CHM: variants seen among roughly 807,000 people sequenced by gnomAD.
CHM encodes CHM Rab escort protein, also known as rab proteins geranylgeranyltransferase component A 1.
Under a neutral mutation model 49.0 loss-of-function variants are expected in CHM, and 10 were observed. That is an observed-to-expected ratio of 0.20 (90% CI 0.13 to 0.35). The LOEUF (loss-of-function observed/expected upper bound fraction) is 0.35. Among genes scored for constraint, CHM ranks in the 10% least tolerant of loss-of-function variants. The probability of loss-of-function intolerance (pLI) is 1.00; values close to 1 mark genes in which losing one functional copy is unlikely to be tolerated. For missense variants in CHM, 455 were observed against 478.4 expected (o/e 0.95, Z 0.46); for synonymous variants, 184 against 167.5 (o/e 1.10, Z -0.76).
At chrX:85,892,408 G>T (rs979927260) in intron 12 of CHM, among the ~76,000 whole-genome samples, 1 of 110,272 alleles carries the variant, frequency 9.1e-6, no homozygotes, top group African/African-American at 3.3e-5. Context: ...CATGGGGGCC[G>T]GTCTTTCTTG....
rs965553512 is a variant in CHM, at chrX:85,971,294, T to TA, written c.315-7243dup. On this transcript the variant is annotated intron_variant, in intron 4 of 14. Transcript: ENST00000357749. ...TGGTGGGTTCTTGGTCTCACTGACTTAAAGAATGAAGCCGCGGACCCGCGC... is the reference window on the plus strand; with the variant it reads ...TGGTGGGTTCTTGGTCTCACTGACTTAAAAGAATGAAGCCGCGGACCCGCGC... The TA allele has an allele frequency of 1.6e-5, 11 of 702,714 alleles. No individual in the cohort carries two copies. In the African/African-American group the frequency reaches 2.6e-4, roughly 17 times the overall value. 57.9% of individuals were successfully genotyped at this position (702,714 alleles called of 1,213,427 possible).
chrX:85,958,173 C>T (rs761292315), intron 6 of CHM, among the ~76,000 whole-genome samples, 198 bp from the exon 7 acceptor site: 32 of 111,967 alleles, frequency 2.9e-4, no homozygotes, highest in African/African-American at 9.7e-4. Context: ...CTTAATTCTG[C>T]CAAGTTACTC....
intron 1 of CHM, among the ~76,000 whole-genome samples, chrX:86,043,303 A>C (rs904722864): frequency 1.8e-5 from 2 of 111,909 alleles, no homozygotes; most frequent in Admixed American, 9.5e-5. Context: ...GTATGGTGCT[A>C]AACACTATCT....
intron 2 of CHM, among the ~76,000 whole-genome samples, chrX:86,021,157 T>TATATATATAC (rs1174140484): frequency 6.3e-4 from 32 of 51,113 alleles, no homozygotes; most frequent in East Asian, 5.8e-3. Context: ...TATATATATA[T>TATATATATAC]ACACGTATAT....
intron 8 of CHM, among the ~76,000 whole-genome samples, chrX:85,924,504 C>T (rs377227039): frequency 8.9e-6 from 1 of 111,812 alleles, no homozygotes; most frequent in Admixed American, 9.5e-5. Flanking sequence ...CCAGAAAGCA[C>T]TCTTACTCCA....
At chrX:85,876,777 C>T (rs1253007976) in intron 13 of CHM, among the ~76,000 whole-genome samples, 1 of 111,586 alleles carries the variant, frequency 9.0e-6, no homozygotes, top group Non-Finnish European at 1.9e-5. Context: ...CTAAACAATA[C>T]ATCATTTCAA....
chrX:85,978,869 T>C lies in CHM; in HGVS notation c.212A>G (p.Asp71Gly). 1 of 1,206,831 alleles carries C rather than the reference T, an allele frequency of 8.3e-7. No individual in the cohort carries two copies. Among genetic ancestry groups the C allele is most frequent in the Non-Finnish European group, 1.1e-6 (1 of 891,904 alleles). ...GATCTGGTCTTGCCACACTGGACTG[T>C]CACTTACAATGTCACTGTTTTCCTA... ...EYQENSDIVS[D>G]SPVWQDQILE... is the part of the protein sequence containing the mutation. The change falls in exon 4 of 15, where the codon GAC becomes GGC. Residue 71 changes from aspartate to glycine, a missense_variant. Physicochemically the swap from Asp to Gly is moderately conservative, Grantham distance 94 (BLOSUM62 -1). Transcript: ENST00000357749.
chrX:86,043,517 C>T (rs753941790), intron 1 of CHM, among the ~76,000 whole-genome samples: 1 of 110,042 alleles, frequency 9.1e-6, no homozygotes, highest in Non-Finnish European at 1.9e-5. Context: ...GCAATCCTCC[C>T]ACCTCAGCCT....
chrX:85,877,276 C>A (rs1924475263), intron 13 of CHM, among the ~76,000 whole-genome samples: 1 of 111,466 alleles, frequency 9.0e-6, no homozygotes, highest in African/African-American at 3.3e-5. Context: ...TCCCAAAAAA[C>A]ATAATTGATA....
At chrX:85,965,676 C>T (rs1262797965) in intron 4 of CHM, among the ~76,000 whole-genome samples, 2 of 110,435 alleles carry the variant, frequency 1.8e-5, no homozygotes, top group Non-Finnish European at 3.8e-5. Context: ...AAAGAAGTGC[C>T]TTATTAAAAA....
intron 8 of CHM, among the ~76,000 whole-genome samples, chrX:85,943,360 A>G (rs1407355568): frequency 1.8e-5 from 2 of 112,261 alleles, no homozygotes; most frequent in Non-Finnish European, 3.8e-5. Flanking sequence ...TCTAACCGCT[A>G]CTGGGCTCCT....
chrX:85,978,265 T>C (rs1412209764), intron 4 of CHM, among the ~76,000 whole-genome samples: 2 of 111,841 alleles, frequency 1.8e-5, no homozygotes, highest in Non-Finnish European at 3.8e-5. Flanking sequence ...ATTTACGTAT[T>C]CAAAAATGAT....
At chrX:85,903,043 A>T (rs763116902) in intron 9 of CHM, among the ~76,000 whole-genome samples, 3 of 111,813 alleles carry the variant, frequency 2.7e-5, no homozygotes, top group African/African-American at 9.7e-5. Context: ...CTTAACAAAT[A>T]TTGAGCTCCA....
chrX:86,003,887 A>G (rs763199442), intron 2 of CHM, among the ~76,000 whole-genome samples: 2 of 112,003 alleles, frequency 1.8e-5, no homozygotes, highest in Admixed American at 1.9e-4. Flanking sequence ...ACAGGCCAAC[A>G]TTCAAATTCA....
At chrX:85,909,650 G>C (rs1454672532) in intron 9 of CHM, among the ~76,000 whole-genome samples, 1 of 111,710 alleles carries the variant, frequency 9.0e-6, no homozygotes, top group Non-Finnish European at 1.9e-5. Context: ...CCTCTGTTTA[G>C]AGCATGTCAT....
At chrX:85,871,543 A>C (rs905823181) in intron 14 of CHM, among the ~76,000 whole-genome samples, 1 of 110,232 alleles carries the variant, frequency 9.1e-6, no homozygotes, top group African/African-American at 3.3e-5. Context: ...TAGACATTAT[A>C]ATATTTCCCC....
intron 12 of CHM, among the ~76,000 whole-genome samples, chrX:85,884,572 G>A (rs968029353): frequency 1.8e-5 from 2 of 110,911 alleles, no homozygotes; most frequent in Admixed American, 1.9e-4. Flanking sequence ...CTTGTTTATT[G>A]AACTATTTAT....
Position 85,862,089 on chromosome X carries a change from T to C in CHM, c.*2541A>G, listed in dbSNP as rs1923383701. The C allele has an allele frequency of 8.9e-6, 1 of 112,243 alleles. No individual in the cohort carries two copies. The highest frequency in any genetic ancestry group is 3.2e-5 in the African/African-American group (1 of 30,955). The allele number at this position is 112,243 out of a possible 1,213,427, so 9.3% of individuals were successfully genotyped here. A position where few individuals can be genotyped will look rare whatever the true frequency, so the allele number is the denominator to read the frequency against. The stretch of plus-strand genomic sequence containing the variant: ...TTTTATCAGTTGTATGATATTTTAA[T>C]CATCATGAATCATGTTCAGGAACTT... On this transcript the variant is annotated 3_prime_UTR_variant, in exon 15 of 15. Coordinates refer to ENST00000357749, the MANE Select transcript of CHM (RefSeq NM_000390.4).
At chrX:85,883,583 A>G in intron 12 of CHM, among the ~76,000 whole-genome samples, 1 of 111,524 alleles carries the variant, frequency 9.0e-6, no homozygotes, top group South Asian at 3.7e-4. Context: ...TAGTTTACAT[A>G]TAATAAAATC....
Sources: allele counts gnomAD v4.1 joint callset (sites outside exome capture counted in the v4.1 genomes callset), GRCh38; gene constraint gnomAD v4.1.1; transcripts MANE v1.5; gene names NCBI Gene and HGNC (gene_info 2026-07-23, HGNC 2026-07-21).